USP12: variants seen among roughly 807,000 people sequenced by gnomAD.
USP12 encodes ubiquitin carboxyl-terminal hydrolase 12.
USP12 carries 19 observed loss-of-function variants against 45.5 expected under a neutral mutation model. That is an observed-to-expected ratio of 0.42 (90% CI 0.29 to 0.61). The LOEUF (loss-of-function observed/expected upper bound fraction) is 0.61. USP12 is among the 20% of genes least tolerant of loss of function. The pLI is 0.22. For missense variants in USP12, 242 were observed against 447.7 expected (o/e 0.54, Z 4.15); for synonymous variants, 149 against 148.8 (o/e 1.00, Z -0.01).
At chr13:27,165,334 C>G (rs185253093) in intron 1 of USP12, among the ~76,000 whole-genome samples, 1,611 of 152,196 alleles carry the variant, frequency 0.011, 33 homozygotes, top group African/African-American at 0.037. Flanking sequence ...AGTGCTTTCT[C>G]AGGGGTATAT....
chr13:27,157,279 C>T (rs188038363), intron 1 of USP12, among the ~76,000 whole-genome samples: 60 of 152,176 alleles, frequency 3.9e-4, no homozygotes, highest in Middle Eastern at 6.8e-3. Context: ...GTTTTACATA[C>T]ATTAAGCTAA....
intron 2 of USP12, among the ~76,000 whole-genome samples, chr13:27,114,729 T>G (rs1287256557): frequency 4.0e-5 from 6 of 151,760 alleles, no homozygotes; most frequent in African/African-American, 1.5e-4. Flanking sequence ...TTTAATTTTC[T>G]GCTAGGTTAA....
chr13:27,081,892 AG>A (rs1873776811), intron 6 of USP12, among the ~76,000 whole-genome samples: 2 of 152,240 alleles, frequency 1.3e-5, no homozygotes, highest in Admixed American at 1.3e-4. Flanking sequence ...TCTGAGTGAT[AG>A]GTCTCAACAG....
chr13:27,141,126 C>T (rs541473330), intron 1 of USP12, among the ~76,000 whole-genome samples: 1 of 149,788 alleles, frequency 6.7e-6, no homozygotes. Context: ...AGCAATTCTT[C>T]TGCCCCAGCC....
At chr13:27,149,636 G>C (rs921941186) in intron 1 of USP12, among the ~76,000 whole-genome samples, 2 of 152,184 alleles carry the variant, frequency 1.3e-5, no homozygotes, top group African/African-American at 2.4e-5. Context: ...GGGGGTGGGA[G>C]GAGTAGCCAA....
chr13:27,153,774 A>C (rs145263898), intron 1 of USP12, among the ~76,000 whole-genome samples: 9 of 152,078 alleles, frequency 5.9e-5, no homozygotes, highest in African/African-American at 2.2e-4. Context: ...CCATACACCA[A>C]TATTTACTGG....
At chr13:27,077,919 T>G (rs548758231) in intron 6 of USP12, 1 of 151,414 alleles carries the variant, frequency 6.6e-6, no homozygotes, top group Middle Eastern at 3.4e-3. Context: ...AAAAAAAAAG[T>G]GGTCTTAGAA....
At chr13:27,169,818 A>G (rs1171927513) in intron 1 of USP12, among the ~76,000 whole-genome samples, 1 of 152,202 alleles carries the variant, frequency 6.6e-6, no homozygotes, top group Non-Finnish European at 1.5e-5. Context: ...GGCTGCCCTG[A>G]CCAATACTGC....
intron 1 of USP12, 22 bp from the exon 2 acceptor site, chr13:27,116,618 T>C: frequency 6.2e-7 from 1 of 1,607,096 alleles, no homozygotes; most frequent in Non-Finnish European, 8.5e-7. Flanking sequence ...AAAACAAAAA[T>C]CTTAGTATTT....
intron 1 of USP12, among the ~76,000 whole-genome samples, chr13:27,137,314 T>G (rs530738417): frequency 6.6e-6 from 1 of 152,176 alleles, no homozygotes; most frequent in Non-Finnish European, 1.5e-5. Flanking sequence ...TTATACATGA[T>G]AGATGTCATA....
At chr13:27,131,257 C>A (rs1876486830) in intron 1 of USP12, among the ~76,000 whole-genome samples, 1 of 152,166 alleles carries the variant, frequency 6.6e-6, no homozygotes, top group South Asian at 2.1e-4. Context: ...AGGTGTGAAA[C>A]CCTCCTGGTG....
rs202096048 is a variant in USP12 at position 27,076,746 on chromosome 13, G to GA, written c.735-1359dup. Among the ~76,000 whole-genome samples the GA allele has an allele frequency of 4.1e-3, 607 of 148,506 alleles. 2 individuals are homozygous for GA. Among genetic ancestry groups the GA allele is most frequent in the African/African-American group, 0.013 (536 of 40,634 alleles). On this transcript the variant is annotated intron_variant, in intron 6 of 8. Coordinates refer to ENST00000282344, the MANE Select transcript of USP12 (RefSeq NM_182488.4). ...TGGTAAGCCACTGCCTCTAATAAGT[G>GA]AAAAAAAAAATCATTTTATAACATT... is the stretch of plus-strand genomic sequence containing the variant.
chr13:27,151,701 G>GA (rs1245271830), intron 1 of USP12, among the ~76,000 whole-genome samples: 6 of 152,124 alleles, frequency 3.9e-5, no homozygotes, highest in African/African-American at 1.4e-4. Context: ...AGGATGACTT[G>GA]AGACCAGGAG....
chr13:27,074,884 CCAA>C (rs1446491349), intron 7 of USP12, among the ~76,000 whole-genome samples: 1 of 152,014 alleles, frequency 6.6e-6, no homozygotes, highest in East Asian at 1.9e-4. Context: ...TTTATTTTAA[CCAA>C]CAACCCTCTA....
At chr13:27,131,534 G>A (rs977233692) in intron 1 of USP12, among the ~76,000 whole-genome samples, 20 of 152,204 alleles carry the variant, frequency 1.3e-4, no homozygotes, top group Admixed American at 6.5e-5. Flanking sequence ...TGCCCCAGTA[G>A]AGTGAAGTAC....
intron 6 of USP12, among the ~76,000 whole-genome samples, chr13:27,084,495 AT>A (rs1873917079): frequency 9.2e-6 from 1 of 108,646 alleles, no homozygotes; most frequent in Non-Finnish European, 2.0e-5. Context: ...AGACAGTGAG[AT>A]GAAAAAAAAA....
chr13:27,120,227 GA>G (rs1875921016), intron 1 of USP12, among the ~76,000 whole-genome samples: 1 of 152,116 alleles, frequency 6.6e-6, no homozygotes, highest in African/African-American at 2.4e-5. Flanking sequence ...AGTGAGCCTA[GA>G]AAAAGTAAAC....
intron 1 of USP12, among the ~76,000 whole-genome samples, chr13:27,171,262 C>G (rs1386408710): frequency 6.7e-6 from 1 of 150,166 alleles, no homozygotes; most frequent in Non-Finnish European, 1.5e-5. Flanking sequence ...GTCCCCGCGT[C>G]CCGAGCGGAC....
rs115603624 is a variant in USP12, at chr13:27,153,568, A to C, written c.48+18024T>G. Among the ~76,000 whole-genome samples, 608 of 152,346 alleles carry C rather than the reference A, an allele frequency of 4.0e-3. 4 individuals carry two copies. Among genetic ancestry groups the C allele is most frequent in the African/African-American group, 0.014 (582 of 41,578 alleles). On this transcript the variant is annotated intron_variant, in intron 1 of 8. Transcript: ENST00000282344. Reference sequence around the variant, plus strand: ...GCTATCATCCATTAATCGGTACATTAGAGTTACAGATCCTTTTAGTACTTG... The same window carrying C: ...GCTATCATCCATTAATCGGTACATTCGAGTTACAGATCCTTTTAGTACTTG...
Sources: gnomAD v4.1 joint callset for allele counts (sites outside exome capture counted in the v4.1 genomes callset) on GRCh38, gnomAD v4.1.1 for gene constraint, MANE v1.5 for transcripts, NCBI Gene and HGNC (gene_info 2026-07-23, HGNC 2026-07-21) for gene names.